STPG2: variants seen among roughly 807,000 people sequenced by gnomAD.
STPG2 encodes the protein sperm tail PG-rich repeat containing 2, also known as sperm-tail PG-rich repeat-containing protein 2.
Under a neutral mutation model 54.2 loss-of-function variants are expected in STPG2, and 56 were observed. The observed-to-expected ratio is 1.03, with a 90% CI of 0.83 to 1.29. STPG2 has a LOEUF of 1.29. STPG2 is among the 50% of genes most tolerant of loss of function. The pLI, the probability that STPG2 is intolerant of heterozygous loss-of-function variation, is 0.00. For missense variants in STPG2, 596 were observed against 544.9 expected, an observed-to-expected ratio of 1.09 and a Z score of -0.93; for synonymous variants, 200 against 181.8, an observed-to-expected ratio of 1.10 and a Z score of -0.81.
At chr4:97,557,610 C>T (rs1348874720), downstream of STPG2, among the ~76,000 whole-genome samples, 1 of 152,020 alleles carries the variant, frequency 6.6e-6, no homozygotes, top group Non-Finnish European at 1.5e-5. Context: ...ATACCCTTAA[C>T]CTTAGCATCA....
chr4:97,943,520 G>A (rs17027058), intron 8 of STPG2, among the ~76,000 whole-genome samples: 60,640 of 147,470 alleles, frequency 0.41, 12,280 homozygotes, highest in Middle Eastern at 0.47. Context: ...TAAATCACTC[G>A]GGAGTCTTAG....
chr4:98,106,039 C>T lies in STPG2; in HGVS notation c.526G>A (p.Val176Ile), dbSNP rs748425519. 4.7e-6 allele frequency: 7 copies of T among 1,477,476 alleles called. No individual in the cohort carries two copies. The Admixed American group carries it at 7.6e-5, about 16-fold the overall frequency. 91.5% of individuals were successfully genotyped at this position (1,477,476 alleles called of 1,614,324 possible). The change falls in exon 5 of 11, where the codon GTT (valine) becomes ATT (isoleucine). Residue 176 changes from valine (V) to isoleucine (I), a missense_variant. By Grantham distance (29) the Val-to-Ile change is conservative. Transcript: ENST00000295268. ...TGTTGTTGATCTCTCTTGATGTTAA[C>T]ATTTTCATAATATGATGTCTTTTTC... ...VQKKTSYYEN[V>I]NIKRDQQQNY...
chr4:98,094,880 G>A (rs561932356), intron 5 of STPG2, among the ~76,000 whole-genome samples: 5 of 152,178 alleles, frequency 3.3e-5, no homozygotes, highest in East Asian at 1.9e-4. Flanking sequence ...AAATTACAGT[G>A]TTATACTTAA....
intron 9 of STPG2, among the ~76,000 whole-genome samples, chr4:97,734,775 T>G (rs1042568501): frequency 2.0e-5 from 3 of 151,928 alleles, no homozygotes; most frequent in African/African-American, 7.3e-5. Flanking sequence ...AACATCAAAC[T>G]AAAAAGTTTC....
At chr4:97,891,445 G>A (rs1730766822) in intron 8 of STPG2, among the ~76,000 whole-genome samples, 1 of 151,710 alleles carries the variant, frequency 6.6e-6, no homozygotes, top group Non-Finnish European at 1.5e-5. Flanking sequence ...ATTCTCCTGA[G>A]TGCATGTTTA....
chr4:97,889,522 A>G (rs1730690821), intron 8 of STPG2, among the ~76,000 whole-genome samples: 1 of 152,228 alleles, frequency 6.6e-6, no homozygotes. Context: ...AGAAACATGG[A>G]TGAATCTCAA....
intron 8 of STPG2, among the ~76,000 whole-genome samples, chr4:97,943,640 T>A (rs554686839): frequency 3.4e-4 from 52 of 152,312 alleles, no homozygotes; most frequent in African/African-American, 1.3e-3. Context: ...TCAGCTTTCA[T>A]ATATGTCCTA....
chr4:98,063,726 T>C (rs1737736492), intron 5 of STPG2, among the ~76,000 whole-genome samples: 2 of 151,418 alleles, frequency 1.3e-5, no homozygotes, highest in Admixed American at 1.3e-4. Flanking sequence ...AAAATAATAA[T>C]AACAAAAATG....
At chr4:97,581,649 C>T (rs759151587) in intron 10 of STPG2, among the ~76,000 whole-genome samples, 1 of 151,942 alleles carries the variant, frequency 6.6e-6, no homozygotes, top group African/African-American at 2.4e-5. Context: ...TTCACCTTGC[C>T]GTTCAGCCAG....
At chr4:97,798,736 C>A (rs1727285387) in intron 9 of STPG2, among the ~76,000 whole-genome samples, 1 of 100,660 alleles carries the variant, frequency 9.9e-6, no homozygotes, top group African/African-American at 4.0e-5. Context: ...CCTGGATATC[C>A]TTGTTAACTT....
At chr4:97,944,507 G>A (rs911818739) in intron 7 of STPG2, among the ~76,000 whole-genome samples, 16 of 151,872 alleles carry the variant, frequency 1.1e-4, no homozygotes, top group African/African-American at 3.4e-4. Context: ...TAGGCTAGAG[G>A]AATCTAGTAA....
chr4:97,534,564 A>G (rs1731487489), intron 4 of STPG2, among the ~76,000 whole-genome samples: 2 of 152,048 alleles, frequency 1.3e-5, no homozygotes, highest in South Asian at 4.1e-4. Context: ...CCTTTGTACT[A>G]TTTGCACAAA....
At position 98,109,203 on chromosome 4, in the gene STPG2, C is replaced by A. The variant is rs1259929805; in HGVS notation, c.490G>T (p.Asp164Tyr). Residue 164 changes from aspartate to tyrosine, a missense_variant, in exon 4 of 11, where the codon GAT (aspartate) becomes TAT (tyrosine). Transcript: ENST00000295268. ...TATTTTTTTACTTACTGGACTATAT[C>A]ATACTGTCCTGGACCAGGACCTGAC... ...KKSGPGPGQY[D>Y]IVQKKTSYYE... 3 of 1,592,350 alleles carry A rather than the reference C, an allele frequency of 1.9e-6. No individual in the cohort carries two copies. The highest frequency in any genetic ancestry group is 2.6e-6 in the Non-Finnish European group (3 of 1,167,022).
chr4:97,607,263 C>G (rs1733619864), intron 10 of STPG2, among the ~76,000 whole-genome samples: 1 of 143,122 alleles, frequency 7.0e-6, no homozygotes, highest in Admixed American at 6.6e-5. Context: ...TGTTTCCTCT[C>G]TCTCTCTCCC....
Position 97,969,840 on chromosome 4 carries a change from G to C in STPG2, c.933+2440C>G, listed in dbSNP as rs140264584. On this transcript the variant is annotated intron_variant, in intron 7 of 10. Coordinates refer to ENST00000295268, the MANE Select transcript of STPG2 (RefSeq NM_174952.3). ...AATCAGGCAGGAGAAATCAATAAAG[G>C]GTATTCAATCAGGAAAGGAGGAAGT... is the stretch of plus-strand genomic sequence containing the variant. Among the ~76,000 whole-genome samples the C allele has an allele frequency of 6.6e-3, 1,007 of 152,230 alleles. 11 individuals carry two copies. The highest frequency in any genetic ancestry group is 0.014 in the Middle Eastern group (4 of 294).
chr4:97,714,285 TC>T (rs1313072803), intron 9 of STPG2, among the ~76,000 whole-genome samples: 2 of 152,198 alleles, frequency 1.3e-5, no homozygotes, highest in African/African-American at 4.8e-5. Flanking sequence ...GTTTTTAGCT[TC>T]ATTAATATAG....
chr4:97,934,117 TTGTAGCAAG>T (rs1365253679), intron 8 of STPG2, among the ~76,000 whole-genome samples: 1 of 152,174 alleles, frequency 6.6e-6, no homozygotes, highest in African/African-American at 2.4e-5. Context: ...TTTATTCTTT[TTGTAGCAAG>T]TGTGAATGGG....
chr4:97,903,155 GTAA>G (rs1731244573), intron 8 of STPG2, among the ~76,000 whole-genome samples: 6 of 152,118 alleles, frequency 3.9e-5, no homozygotes, highest in Admixed American at 3.9e-4. Context: ...CATAGTGACT[GTAA>G]TAATAACAGT....
chr4:97,457,101 A>G (rs1217782996), intron 4 of STPG2, among the ~76,000 whole-genome samples: 1 of 152,190 alleles, frequency 6.6e-6, no homozygotes, highest in Non-Finnish European at 1.5e-5. Context: ...CATTGATAAT[A>G]CCAAATAGTG....
Sources: gnomAD v4.1 joint callset for allele counts (sites outside exome capture counted in the v4.1 genomes callset) on GRCh38, gnomAD v4.1.1 for gene constraint, MANE v1.5 for transcripts, NCBI Gene and HGNC (gene_info 2026-07-23, HGNC 2026-07-21) for gene names.